ZNRF3: variants seen among roughly 807,000 people sequenced by gnomAD.
ZNRF3 encodes E3 ubiquitin-protein ligase ZNRF3.
ZNRF3 carries 23 observed loss-of-function variants against 72.5 expected under a neutral mutation model. That is an observed-to-expected ratio of 0.32 (90% confidence interval 0.23 to 0.45). The LOEUF (loss-of-function observed/expected upper bound fraction) is 0.45, where lower values mean the gene tolerates loss of function less well. Among genes scored for constraint, ZNRF3 ranks in the 20% least tolerant of loss-of-function variants. ZNRF3 has a pLI of 1.00. For synonymous variants in ZNRF3, 610 were observed against 545.3 expected (o/e 1.12, Z -1.65); for missense variants, 1,169 against 1,272.1 (o/e 0.92, Z 1.23).
rs1369754194 is a variant in ZNRF3, at chr22:29,048,384, C to T, written c.913-5C>T. 2.5e-6 allele frequency: 4 copies of T among 1,612,682 alleles called. No individual in the cohort carries two copies. The highest frequency in any genetic ancestry group is 1.7e-5 in the Admixed American group (1 of 59,914). On this transcript the variant is annotated splice_polypyrimidine_tract_variant and splice_region_variant and intron_variant, in intron 6 of 8. Coordinates refer to ENST00000544604, the MANE Select transcript of ZNRF3 (RefSeq NM_001206998.2). This position sits in a 1 kb window ranked among gnomAD's most constrained non-coding sequence, Gnocchi z 4.9. ...CAGACTTGTGTCCCCTCTCTCCCTG[C>T]CCAGGAGCTGCGGGTCATCCCCTGT...
Position 29,049,361 on chromosome 22 carries a change from G to T in ZNRF3, c.1180G>T (p.Val394Phe), listed in dbSNP as rs765519314. 6.2e-7 allele frequency: 1 copy of T among 1,613,290 alleles called. No homozygotes were observed. ...RTSMDSHGNP[V>F]TLLTMDRHGE... ...AAGCATGGACTCCCACGGCAACCCC[G>T]TCACCTTGCTGACCATGGACCGGCA... The change falls in exon 8 of 9, where the codon GTC (valine) becomes TTC (phenylalanine). Residue 394 changes from valine to phenylalanine, a missense_variant. Transcript: ENST00000544604. The surrounding 1 kb of genome is among the most constrained non-coding windows in gnomAD (Gnocchi z 5.2).
rs548655590 is a variant in ZNRF3, at chr22:29,054,378, G to T, written c.*756G>T. On this transcript the variant is annotated 3_prime_UTR_variant, in exon 9 of 9. Transcript: ENST00000544604. The stretch of plus-strand genomic sequence containing the variant: ...AGGGTGATGGGGACGATTCTGCCCA[G>T]TGTCCTCAGTCTGTCCCCTCAGGTC... 1 of 152,402 alleles carries T rather than the reference G, an allele frequency of 6.6e-6. No individual in the cohort carries two copies. Among genetic ancestry groups the T allele is most frequent in the African/African-American group, 2.4e-5 (1 of 41,464 alleles). The allele number at this position is 152,402 out of a possible 1,614,324, so 9.4% of individuals were successfully genotyped here.
At chr22:28,997,687 G>A (rs1007020129) in intron 2 of ZNRF3, among the ~76,000 whole-genome samples, 3 of 151,912 alleles carry the variant, frequency 2.0e-5, no homozygotes, top group Non-Finnish European at 2.9e-5. Context: ...TCTCCATACC[G>A]CCTCTGTAAA....
At chr22:28,930,549 C>T (rs2034686664) in intron 1 of ZNRF3, among the ~76,000 whole-genome samples, 2 of 152,230 alleles carry the variant, frequency 1.3e-5, no homozygotes, top group Non-Finnish European at 2.9e-5. Context: ...TCAGTAGGCA[C>T]AAGCCTCAGG....
intron 2 of ZNRF3, among the ~76,000 whole-genome samples, chr22:28,992,144 C>A (rs954484652): frequency 6.6e-6 from 1 of 151,814 alleles, no homozygotes; most frequent in African/African-American, 2.4e-5. Flanking sequence ...TAGAGTGAGA[C>A]CCTATCTCTC....
At chr22:28,979,431 T>C (rs916901667) in intron 1 of ZNRF3, among the ~76,000 whole-genome samples, 23 of 152,168 alleles carry the variant, frequency 1.5e-4, no homozygotes, top group African/African-American at 5.1e-4. Flanking sequence ...GTGGTCTCTG[T>C]GTATAGAAAG....
chr22:29,035,788 G>A (rs2036855891), intron 2 of ZNRF3, among the ~76,000 whole-genome samples: 1 of 151,686 alleles, frequency 6.6e-6, no homozygotes, highest in Non-Finnish European at 1.5e-5. Flanking sequence ...CCGTGTTACC[G>A]AGGCTGCTCT....
At chr22:28,911,221 G>T (rs1043378852) in intron 1 of ZNRF3, among the ~76,000 whole-genome samples, 3 of 152,156 alleles carry the variant, frequency 2.0e-5, no homozygotes, top group African/African-American at 7.2e-5. Flanking sequence ...GGGAGGGAAA[G>T]AACTTTGGAG....
At chr22:29,039,050 C>T (rs1025665946) in intron 2 of ZNRF3, among the ~76,000 whole-genome samples, 3 of 151,950 alleles carry the variant, frequency 2.0e-5, no homozygotes, top group Non-Finnish European at 4.4e-5. Flanking sequence ...GATTACAGGC[C>T]CGTGCAACTA....
At chr22:28,921,950 G>A (rs772040479) in intron 1 of ZNRF3, among the ~76,000 whole-genome samples, 8 of 152,182 alleles carry the variant, frequency 5.3e-5, no homozygotes, top group Non-Finnish European at 1.5e-5. Context: ...GGGACCAGAA[G>A]TGTTTCGGAT....
chr22:28,999,628 A>G (rs2036109577), intron 2 of ZNRF3, among the ~76,000 whole-genome samples: 1 of 152,228 alleles, frequency 6.6e-6, no homozygotes, highest in African/African-American at 2.4e-5. Context: ...GAGAGGCCTC[A>G]TATACATCTG....
At chr22:28,971,281 T>C (rs2035570267) in intron 1 of ZNRF3, among the ~76,000 whole-genome samples, 1 of 152,190 alleles carries the variant, frequency 6.6e-6, no homozygotes, top group Non-Finnish European at 1.5e-5. Context: ...CATAGAGCTC[T>C]ATGACCCAAC....
At chr22:28,977,916 C>G (rs2035703293) in intron 1 of ZNRF3, among the ~76,000 whole-genome samples, 1 of 152,192 alleles carries the variant, frequency 6.6e-6, no homozygotes, top group Non-Finnish European at 1.5e-5. Flanking sequence ...CAAAGTTTGG[C>G]TTGATGTACC....
intron 2 of ZNRF3, 93 bp downstream of exon 2, chr22:28,987,294 A>G: frequency 6.5e-7 from 1 of 1,527,768 alleles, no homozygotes; most frequent in Non-Finnish European, 8.8e-7. Context: ...TATGGAGAAG[A>G]GCCATGCTGG....
chr22:29,010,150 C>G (rs1250246659), intron 2 of ZNRF3, among the ~76,000 whole-genome samples: 1 of 151,980 alleles, frequency 6.6e-6, no homozygotes, highest in Non-Finnish European at 1.5e-5. Context: ...ACCTCGTGAT[C>G]CACCCGCCTC....
At chr22:28,994,406 G>A (rs1435843517) in intron 2 of ZNRF3, among the ~76,000 whole-genome samples, 1 of 149,814 alleles carries the variant, frequency 6.7e-6, no homozygotes, top group African/African-American at 2.5e-5. Context: ...CATGGTGGTC[G>A]GGCTGGTCTC....
intron 5 of ZNRF3, among the ~76,000 whole-genome samples, chr22:29,045,945 C>T (rs1169965770): frequency 6.6e-6 from 1 of 152,148 alleles, no homozygotes; most frequent in African/African-American, 2.4e-5. Flanking sequence ...GAGCCTTGGT[C>T]CTCAGATAGA....
At chr22:28,889,722 G>A (rs1446107851) in intron 1 of ZNRF3, among the ~76,000 whole-genome samples, 1 of 152,254 alleles carries the variant, frequency 6.6e-6, no homozygotes, top group Non-Finnish European at 1.5e-5. Flanking sequence ...GGAGAAGAGA[G>A]AATATAGTCA....
At chr22:28,990,592 G>T (rs2035935454) in intron 2 of ZNRF3, among the ~76,000 whole-genome samples, 1 of 152,086 alleles carries the variant, frequency 6.6e-6, no homozygotes, top group African/African-American at 2.4e-5. Context: ...TCTGAGGCAG[G>T]AGAATTGCTG....
Sources: allele counts gnomAD v4.1 joint callset (sites outside exome capture counted in the v4.1 genomes callset), GRCh38; gene constraint gnomAD v4.1.1; non-coding constraint Gnocchi (gnomAD v3.1); transcripts MANE v1.5; gene names NCBI Gene and HGNC (gene_info 2026-07-23, HGNC 2026-07-21).